The following GALNT14 variants were observed in gnomAD, a reference collection of about 807,000 sequenced individuals.
GALNT14 encodes the protein UDP-GalNAc:polypeptide N-acetylgalactosaminyltransferase 14.
In GALNT14, 60 loss-of-function variants were observed where a neutral mutation model predicts 77.5. That is an observed-to-expected ratio of 0.77 (90% CI 0.63 to 0.96). The LOEUF (loss-of-function observed/expected upper bound fraction) is 0.96, where lower values mean the gene tolerates loss of function less well. Ranked by LOEUF, GALNT14 falls within the 40% of genes least tolerant of loss-of-function variation. The pLI is 0.00. For missense variants in GALNT14, 710 were observed against 731.0 expected, an observed-to-expected ratio of 0.97 and a Z score of 0.33; for synonymous variants, 280 against 281.7, an observed-to-expected ratio of 0.99 and a Z score of 0.06.
intron 1 of GALNT14, among the ~76,000 whole-genome samples, chr2:31,038,157 C>T (rs1316430922): frequency 3.6e-5 from 5 of 137,510 alleles, no homozygotes; most frequent in African/African-American, 8.3e-5. Context: ...TGCAGTGGCA[C>T]GATCTCAGCT....
At chr2:31,117,768 C>CT (rs1367427621) in intron 1 of GALNT14, among the ~76,000 whole-genome samples, 1 of 152,118 alleles carries the variant, frequency 6.6e-6, no homozygotes, top group Non-Finnish European at 1.5e-5. Context: ...GGAAGATAGG[C>CT]TATGCTAACA....
At chr2:31,113,046 G>T (rs545490725) in intron 1 of GALNT14, among the ~76,000 whole-genome samples, 1 of 152,270 alleles carries the variant, frequency 6.6e-6, no homozygotes, top group South Asian at 2.1e-4. Flanking sequence ...TTAGACTGTG[G>T]CAGGATAGAG....
At chr2:31,097,911 C>T (rs937987567) in intron 1 of GALNT14, among the ~76,000 whole-genome samples, 8 of 152,120 alleles carry the variant, frequency 5.3e-5, no homozygotes, top group Non-Finnish European at 1.2e-4. Context: ...TACCTTCTAC[C>T]CAGGCTGGAG....
intron 2 of GALNT14, among the ~76,000 whole-genome samples, chr2:30,990,500 C>T (rs959955787): frequency 2.0e-5 from 3 of 152,202 alleles, no homozygotes; most frequent in Non-Finnish European, 4.4e-5. Context: ...ATCCTATAGA[C>T]GGAAGGGCCC....
intron 2 of GALNT14, among the ~76,000 whole-genome samples, chr2:30,978,592 A>C (rs1185255672): frequency 6.6e-6 from 1 of 152,132 alleles, no homozygotes; most frequent in Non-Finnish European, 1.5e-5. Context: ...TTGAGCGAGG[A>C]TGGTTTTAAA....
Position 30,924,796 on chromosome 2 carries a change from C to G in GALNT14, c.1179G>C (p.Lys393Asn), listed in dbSNP as rs779498589. 5.0e-6 allele frequency: 8 copies of G among 1,613,928 alleles called. No homozygotes were observed. The Admixed American group carries it at 1.3e-4, about 27-fold the overall frequency. The change falls in exon 12 of 15, where the codon AAG becomes AAC. Residue 393 changes from lysine to asparagine, a missense_variant. By Grantham distance (94) the Lys-to-Asn change is moderately conservative. Coordinates refer to ENST00000349752, the MANE Select transcript of GALNT14 (RefSeq NM_024572.4). The stretch of plus-strand genomic sequence containing the variant: ...ACTTGAAGCTCTGGCAGCGCAGATT[C>G]TTCCTCAGGTCCAATCTGCTCTCAA... Reference protein sequence around the residue: ...GNVESRLDLRKNLRCQSFKWY... With the variant: ...GNVESRLDLRNNLRCQSFKWY...
intron 1 of GALNT14, among the ~76,000 whole-genome samples, chr2:31,053,197 G>A (rs1038562626): frequency 3.3e-5 from 5 of 152,104 alleles, no homozygotes; most frequent in Non-Finnish European, 2.9e-5. Flanking sequence ...TTCAAGGCCC[G>A]GGACCTGCCT....
At chr2:31,032,864 C>T (rs1437479626) in intron 1 of GALNT14, among the ~76,000 whole-genome samples, 1 of 152,148 alleles carries the variant, frequency 6.6e-6, no homozygotes, top group African/African-American at 2.4e-5. Context: ...GCTGGAGAAA[C>T]AGCTGGACTC....
chr2:30,887,712 T>A, the GALNT14 span, among the ~76,000 whole-genome samples: 2,261 of 152,366 alleles, frequency 0.015, 48 homozygotes, highest in African/African-American at 0.04. Context: ...TTACATTTGA[T>A]GAAGTCCAAT....
At chr2:31,100,969 A>G (rs1380867059) in intron 1 of GALNT14, among the ~76,000 whole-genome samples, 1 of 152,072 alleles carries the variant, frequency 6.6e-6, no homozygotes, top group Non-Finnish European at 1.5e-5. Context: ...CTGTACTGAA[A>G]GTGAAAAACA....
chr2:30,910,722 G>A lies in GALNT14; in HGVS notation c.*179C>T. ...TGGGATTTGTCTTTGAGCCCCATTG[G>A]CTTGTGATGTTTTCCTCTGTCCTCC... On this transcript the variant is annotated 3_prime_UTR_variant, in exon 15 of 15. Coordinates refer to ENST00000349752, the MANE Select transcript of GALNT14 (RefSeq NM_024572.4). The A allele has an allele frequency of 1.7e-6, 1 of 601,956 alleles. No individual in the cohort carries two copies. The highest frequency in any genetic ancestry group is 2.8e-6 in the Non-Finnish European group (1 of 351,990). The allele number at this position is 601,956 out of a possible 1,614,324, so 37.3% of individuals were successfully genotyped here.
intron 1 of GALNT14, among the ~76,000 whole-genome samples, chr2:31,089,229 G>A (rs187603397): frequency 5.9e-5 from 9 of 152,216 alleles, no homozygotes; most frequent in Admixed American, 3.9e-4. Flanking sequence ...TGATTAGCTC[G>A]TCTCATTGTT....
At chr2:30,938,884 T>G (rs1666213416) in intron 9 of GALNT14, among the ~76,000 whole-genome samples, 1 of 152,332 alleles carries the variant, frequency 6.6e-6, no homozygotes, top group Admixed American at 6.5e-5. Context: ...ACACAGAAAT[T>G]CTATTACTTA....
intron 1 of GALNT14, among the ~76,000 whole-genome samples, chr2:31,063,295 A>T (rs1198736349): frequency 2.6e-5 from 4 of 152,210 alleles, no homozygotes; most frequent in African/African-American, 9.6e-5. Context: ...CAGTTTTCCC[A>T]GCACCATTTA....
chr2:30,944,882 C>A lies in GALNT14; in HGVS notation c.803G>T (p.Arg268Leu), dbSNP rs201375957. 8 of 1,610,210 alleles carry A rather than the reference C, an allele frequency of 5.0e-6. No individual in the cohort carries two copies. The highest frequency in any genetic ancestry group is 6.8e-6 in the Non-Finnish European group (8 of 1,177,390). ...EQLSPEQKAR[R>L]LDPTEPIRTP... ...CCTGATGGGCTCCGTGGGGTCCAGG[C>A]GCCGAGCCTTCTGCTCTGGGGAGAG... Residue 268 changes from arginine to leucine, a missense_variant, in exon 8 of 15, where the codon CGC becomes CTC. Coordinates refer to ENST00000349752, the MANE Select transcript of GALNT14 (RefSeq NM_024572.4).
intron 9 of GALNT14, among the ~76,000 whole-genome samples, chr2:30,934,177 T>C (rs1431868531): frequency 6.6e-6 from 1 of 152,200 alleles, no homozygotes; most frequent in East Asian, 1.9e-4. Flanking sequence ...ACATGAGTCA[T>C]TGAGCAAGGA....
chr2:31,053,252 C>T (rs1170536331), intron 1 of GALNT14, among the ~76,000 whole-genome samples: 1 of 152,144 alleles, frequency 6.6e-6, no homozygotes, highest in African/African-American at 2.4e-5. Flanking sequence ...ACTGTCTGTA[C>T]CCCAACATAA....
intron 1 of GALNT14, among the ~76,000 whole-genome samples, chr2:31,104,706 G>C (rs139079145): frequency 1.3e-5 from 2 of 152,140 alleles, no homozygotes; most frequent in Admixed American, 6.5e-5. Flanking sequence ...TGTAGAGCCT[G>C]TGTCCATCTG....
intron 1 of GALNT14, among the ~76,000 whole-genome samples, chr2:31,072,544 T>C (rs1297609621): frequency 1.3e-5 from 2 of 152,116 alleles, no homozygotes; most frequent in Admixed American, 6.5e-5. Context: ...TGCCTTCCTT[T>C]GCCTCTTCCT....
Sources: gnomAD v4.1 joint callset for allele counts (sites outside exome capture counted in the v4.1 genomes callset) on GRCh38, gnomAD v4.1.1 for gene constraint, MANE v1.5 for transcripts, NCBI Gene and HGNC (gene_info 2026-07-23, HGNC 2026-07-21) for gene names.